The following MMP16 variants were observed in gnomAD, a reference collection of about 807,000 sequenced individuals.
MMP16 encodes matrix metalloproteinase-16.
In MMP16, 12 loss-of-function variants were observed where a neutral mutation model predicts 67.8. The ratio of observed to expected loss-of-function variants is 0.18; its 90% CI spans 0.11 to 0.29. The LOEUF (loss-of-function observed/expected upper bound fraction) is 0.29. MMP16 is among the 10% of genes least tolerant of loss of function. The pLI is 1.00. For missense variants in MMP16, 475 were observed against 765.7 expected (o/e 0.62, Z 4.48); for synonymous variants, 249 against 255.9 (o/e 0.97, Z 0.26).
intron 1 of MMP16, among the ~76,000 whole-genome samples, chr8:88,287,508 T>C (rs1586000619): frequency 1.3e-5 from 2 of 152,336 alleles, no homozygotes; most frequent in African/African-American, 4.8e-5. Flanking sequence ...TCATACATAA[T>C]ACCCCAAATT....
At chr8:88,256,760 C>T (rs1810308858) in intron 1 of MMP16, among the ~76,000 whole-genome samples, 1 of 151,676 alleles carries the variant, frequency 6.6e-6, no homozygotes, top group Non-Finnish European at 1.5e-5. Flanking sequence ...TCAGAGGGTC[C>T]CTGGTTTATA....
intron 4 of MMP16, among the ~76,000 whole-genome samples, chr8:88,134,611 C>G (rs1808087108): frequency 6.6e-6 from 1 of 151,392 alleles, no homozygotes; most frequent in Non-Finnish European, 1.5e-5. Context: ...TCTATCTCCT[C>G]TCTATATATT....
At chr8:88,224,746 T>C (rs1212471432) in intron 1 of MMP16, among the ~76,000 whole-genome samples, 1 of 152,016 alleles carries the variant, frequency 6.6e-6, no homozygotes, top group Non-Finnish European at 1.5e-5. Flanking sequence ...AAGGATTTCA[T>C]AGTCAAATAT....
At position 88,131,934 on chromosome 8, in the gene MMP16, T is replaced by C. The variant is rs182387268; in HGVS notation, c.710-13073A>G. Among the ~76,000 whole-genome samples the C allele has an allele frequency of 3.0e-3, 450 of 151,998 alleles. 5 individuals are homozygous for C. The highest frequency in any genetic ancestry group is 0.01 in the African/African-American group (425 of 41,524). On this transcript the variant is annotated intron_variant, in intron 4 of 9. Transcript: ENST00000286614. ...AGGTTAACACATGAGAATTGAACTG[T>C]TTATGAATGATTCCATTCATTACAT...
chr8:88,049,062 C>T (rs1276337197), intron 8 of MMP16, among the ~76,000 whole-genome samples: 1 of 152,056 alleles, frequency 6.6e-6, no homozygotes, highest in East Asian at 1.9e-4. Context: ...AGAAGTAATG[C>T]CCAAAGAGGA....
chr8:88,267,363 A>G (rs780280760), intron 1 of MMP16, among the ~76,000 whole-genome samples: 1 of 152,184 alleles, frequency 6.6e-6, no homozygotes, highest in Non-Finnish European at 1.5e-5. Flanking sequence ...GATCTCACAC[A>G]CTTTCCTTAC....
At chr8:88,080,368 A>C (rs900055815) in intron 6 of MMP16, among the ~76,000 whole-genome samples, 5 of 152,218 alleles carry the variant, frequency 3.3e-5, no homozygotes, top group Non-Finnish European at 7.3e-5. Context: ...AAATTAGAAA[A>C]ACATTTATGT....
In MMP16 at chr8:88,111,452, C is replaced by G. The variant is rs79130511; in HGVS notation, c.1083+5055G>C. ...TGACAGGGAAAGGCCTGTAGAGCCA[C>G]GAGTGTTTGAAATGTTCCAGAAACA... On this transcript the variant is annotated intron_variant, in intron 6 of 9. Coordinates refer to ENST00000286614, the MANE Select transcript of MMP16 (RefSeq NM_005941.5). Among the ~76,000 whole-genome samples the G allele has an allele frequency of 1.6e-4, 25 of 151,586 alleles. No individual in the cohort carries two copies. In the South Asian group the frequency reaches 5.0e-3, roughly 30 times the overall value.
At chr8:88,133,158 G>A (rs1027642841) in intron 4 of MMP16, among the ~76,000 whole-genome samples, 1 of 151,562 alleles carries the variant, frequency 6.6e-6, no homozygotes, top group African/African-American at 2.4e-5. Context: ...GGGAATTCAT[G>A]TTACTTAAGC....
At chr8:88,157,926 G>GT (rs1207824315) in intron 4 of MMP16, among the ~76,000 whole-genome samples, 3 of 151,730 alleles carry the variant, frequency 2.0e-5, no homozygotes, top group Non-Finnish European at 4.4e-5. Context: ...GCAGTGTTTG[G>GT]TTTTTTGTCC....
chr8:88,126,954 G>A (rs986243418), intron 4 of MMP16, among the ~76,000 whole-genome samples: 5 of 151,820 alleles, frequency 3.3e-5, no homozygotes, highest in African/African-American at 4.8e-5. Flanking sequence ...CTACCACTGC[G>A]AGTATTCCTG....
chr8:88,199,995 G>T (rs1231198694), intron 1 of MMP16, among the ~76,000 whole-genome samples: 1 of 151,928 alleles, frequency 6.6e-6, no homozygotes, highest in Non-Finnish European at 1.5e-5. Flanking sequence ...GTGATGTTAG[G>T]ATTAACTGAG....
At chr8:88,310,384 T>G (rs555819806) in intron 1 of MMP16, among the ~76,000 whole-genome samples, 38 of 152,210 alleles carry the variant, frequency 2.5e-4, no homozygotes, top group Non-Finnish European at 4.7e-4. Context: ...CCTTGATTAT[T>G]TGAAGTTAAA....
chr8:88,095,642 G>A (rs1020872606), intron 6 of MMP16, among the ~76,000 whole-genome samples: 1 of 151,784 alleles, frequency 6.6e-6, no homozygotes, highest in African/African-American at 2.4e-5. Context: ...GTGAGTTTTT[G>A]CTCTCATAAA....
At chr8:88,133,409 T>C (rs1808066494) in intron 4 of MMP16, among the ~76,000 whole-genome samples, 1 of 151,862 alleles carries the variant, frequency 6.6e-6, no homozygotes, top group Non-Finnish European at 1.5e-5. Flanking sequence ...CACTAGGAGT[T>C]TTCAATAACC....
In MMP16 at chr8:88,119,464, A is replaced by G. The variant is rs556725418; in HGVS notation, c.710-603T>C. Reference sequence around the variant, plus strand: ...TATTAGTCATACTAACTAGAATTATAGTCCTAGCTCTATAAATACCAATTC... The same window carrying G: ...TATTAGTCATACTAACTAGAATTATGGTCCTAGCTCTATAAATACCAATTC... On this transcript the variant is annotated intron_variant, in intron 4 of 9. Coordinates refer to ENST00000286614, the MANE Select transcript of MMP16 (RefSeq NM_005941.5). Among the ~76,000 whole-genome samples, 333 of 152,212 alleles carry G rather than the reference A, an allele frequency of 2.2e-3. 1 individual carries two copies. Among genetic ancestry groups the G allele is most frequent in the Middle Eastern group, 0.01 (3 of 290 alleles).
chr8:88,127,487 A>AT (rs1168090716), intron 4 of MMP16, among the ~76,000 whole-genome samples: 2 of 151,784 alleles, frequency 1.3e-5, no homozygotes, highest in Admixed American at 6.6e-5. Flanking sequence ...ATTTGAAATC[A>AT]TTTTTTGAAT....
chr8:88,126,152 C>A (rs1326258640), intron 4 of MMP16, among the ~76,000 whole-genome samples: 2 of 151,752 alleles, frequency 1.3e-5, no homozygotes, highest in African/African-American at 4.8e-5. Flanking sequence ...GAAATATATG[C>A]AGAATTATTG....
intron 4 of MMP16, among the ~76,000 whole-genome samples, chr8:88,149,717 C>A (rs1361824319): frequency 6.6e-6 from 1 of 151,864 alleles, no homozygotes; most frequent in Non-Finnish European, 1.5e-5. Context: ...CTGTACATCA[C>A]CATCATCAAA....
Sources: allele counts gnomAD v4.1 joint callset (sites outside exome capture counted in the v4.1 genomes callset), GRCh38; gene constraint gnomAD v4.1.1; transcripts MANE v1.5; gene names NCBI Gene and HGNC (gene_info 2026-07-23, HGNC 2026-07-21).